Variants in NOX4 observed in about 807,000 individuals in gnomAD.
NOX4 encodes the protein kidney oxidase-1.
A neutral mutation model predicts 87.6 loss-of-function variants in NOX4; 69 were observed. The ratio of observed to expected loss-of-function variants is 0.79; its 90% CI spans 0.65 to 0.96. The LOEUF (loss-of-function observed/expected upper bound fraction) is 0.96, where lower values mean the gene tolerates loss of function less well. NOX4 is among the 40% of genes least tolerant of loss of function. NOX4 has a pLI of 0.00. For missense variants in NOX4, 680 were observed against 681.5 expected (o/e 1.00, Z 0.02); for synonymous variants, 275 against 238.2 (o/e 1.15, Z -1.42).
At chr11:89,442,057 A>G (rs12290745) in intron 5 of NOX4, among the ~76,000 whole-genome samples, 13,462 of 148,892 alleles carry the variant, frequency 0.09, 768 homozygotes, top group South Asian at 0.2. Context: ...ATTTAAATAC[A>G]TAAGTATATA....
intron 17 of NOX4, among the ~76,000 whole-genome samples, chr11:89,335,021 C>T (rs946633276): frequency 2.0e-5 from 3 of 151,622 alleles, no homozygotes; most frequent in Admixed American, 2.0e-4. Context: ...ATTTATATTC[C>T]AGTGGATATG....
At chr11:89,393,078 T>A (rs1941235723) in intron 11 of NOX4, among the ~76,000 whole-genome samples, 1 of 152,158 alleles carries the variant, frequency 6.6e-6, no homozygotes, top group Non-Finnish European at 1.5e-5. Context: ...CAACTATCGA[T>A]CTAATGCGGT....
upstream of NOX4, among the ~76,000 whole-genome samples, chr11:89,500,000 A>G (rs1007596028): frequency 6.6e-6 from 1 of 152,156 alleles, no homozygotes; most frequent in African/African-American, 2.4e-5. Flanking sequence ...TAACATCTGT[A>G]CTTCAGATGT....
chr11:89,518,225 G>A, the NOX4 span, among the ~76,000 whole-genome samples: 1 of 151,926 alleles, frequency 6.6e-6, no homozygotes, highest in Non-Finnish European at 1.5e-5. Flanking sequence ...GAAGAGACAA[G>A]CATTCAATCC....
At chr11:89,444,264 G>A (rs1944586298) in intron 4 of NOX4, 32 bp from the exon 5 acceptor site, 1 of 1,568,690 alleles carries the variant, frequency 6.4e-7, no homozygotes. Context: ...AAGTTAGTGG[G>A]ATTTGCATAT....
intron 12 of NOX4, among the ~76,000 whole-genome samples, chr11:89,364,194 C>A (rs977674041): frequency 2.0e-5 from 3 of 152,012 alleles, no homozygotes; most frequent in African/African-American, 7.2e-5. Flanking sequence ...CTGCAGTGAG[C>A]TATGATTATG....
At chr11:89,543,555 G>A in the NOX4 span, among the ~76,000 whole-genome samples, 4 of 152,084 alleles carry the variant, frequency 2.6e-5, no homozygotes, top group African/African-American at 9.7e-5. Flanking sequence ...TTTTAAAGGA[G>A]GGTGTGAGGA....
chr11:89,405,115 T>TGTGTGTGTGTGTGTGTGTGTGTGTGGG (rs58137988), intron 8 of NOX4, among the ~76,000 whole-genome samples: 1 of 149,912 alleles, frequency 6.7e-6, no homozygotes, highest in Admixed American at 6.7e-5. Context: ...TGTGTGTGTG[T>TGTGTGTGTGTGTGTGTGTGTGTGTGGG]TGGAATGGGG....
At chr11:89,423,478 T>C (rs1201335342) in intron 7 of NOX4, among the ~76,000 whole-genome samples, 1 of 152,186 alleles carries the variant, frequency 6.6e-6, no homozygotes, top group African/African-American at 2.4e-5. Flanking sequence ...ATCTGCAGGT[T>C]CTTATATATT....
At chr11:89,519,606 T>C in the NOX4 span, among the ~76,000 whole-genome samples, 1 of 152,000 alleles carries the variant, frequency 6.6e-6, no homozygotes, top group Non-Finnish European at 1.5e-5. Context: ...TTGGTATTCA[T>C]CGGGTAAGAA....
chr11:89,393,495 T>G (rs75720913), intron 11 of NOX4, among the ~76,000 whole-genome samples: 5,222 of 152,184 alleles, frequency 0.034, 172 homozygotes, highest in East Asian at 0.13. Flanking sequence ...TGAGACTACT[T>G]TCATATTCCC....
intron 17 of NOX4, among the ~76,000 whole-genome samples, chr11:89,332,065 G>A (rs1407116579): frequency 1.3e-5 from 2 of 151,706 alleles, no homozygotes; most frequent in African/African-American, 4.8e-5. Flanking sequence ...AAGAAAATGT[G>A]GTTTGGGGGT....
At chr11:89,405,263 T>C (rs1248103113) in intron 8 of NOX4, among the ~76,000 whole-genome samples, 2 of 152,070 alleles carry the variant, frequency 1.3e-5, no homozygotes, top group South Asian at 2.1e-4. Flanking sequence ...ACAGTAAAGT[T>C]CTTCAGGCCA....
chr11:89,426,430 C>G (rs1464944841), intron 7 of NOX4, among the ~76,000 whole-genome samples: 4 of 151,898 alleles, frequency 2.6e-5, no homozygotes, highest in Admixed American at 2.6e-4. Context: ...GAGGCATCGC[C>G]TCACCTGGGA....
the NOX4 span, among the ~76,000 whole-genome samples, chr11:89,525,516 A>C: frequency 3.3e-5 from 5 of 150,808 alleles, no homozygotes; most frequent in Non-Finnish European, 5.9e-5. Flanking sequence ...CCATTGGTTT[A>C]TTTTCTTTTA....
At chr11:89,451,566 C>A (rs928927306) in intron 3 of NOX4, among the ~76,000 whole-genome samples, 1 of 152,168 alleles carries the variant, frequency 6.6e-6, no homozygotes, top group East Asian at 1.9e-4. Flanking sequence ...AAGCATAGTG[C>A]TGGAAATCCC....
intron 8 of NOX4, among the ~76,000 whole-genome samples, chr11:89,409,131 A>T (rs561349135): frequency 6.6e-6 from 1 of 152,236 alleles, no homozygotes; most frequent in South Asian, 2.1e-4. Context: ...ACTTCTTAGT[A>T]TTTCCTCAGC....
intron 2 of NOX4, among the ~76,000 whole-genome samples, chr11:89,470,868 T>G (rs1182658608): frequency 6.6e-6 from 1 of 152,144 alleles, no homozygotes; most frequent in Non-Finnish European, 1.5e-5. Flanking sequence ...TAACCCAAGT[T>G]GTTACTACCT....
intron 2 of NOX4, among the ~76,000 whole-genome samples, chr11:89,484,643 G>A (rs973640701): frequency 3.3e-5 from 5 of 151,878 alleles, no homozygotes; most frequent in African/African-American, 7.3e-5. Context: ...TTTCCATTTC[G>A]GAAAATGAAA....
Sources: gnomAD v4.1 joint callset for allele counts (sites outside exome capture counted in the v4.1 genomes callset) on GRCh38, gnomAD v4.1.1 for gene constraint, MANE v1.5 for transcripts, NCBI Gene and HGNC (gene_info 2026-07-23, HGNC 2026-07-21) for gene names.